The following LGALS8 variants were observed in gnomAD, a reference collection of about 807,000 sequenced individuals.
The protein encoded by LGALS8 is galectin 8, also known as galectin-8.
Under a neutral mutation model 35.9 loss-of-function variants are expected in LGALS8, and 30 were observed. The ratio of observed to expected loss-of-function variants is 0.83; its 90% CI spans 0.62 to 1.13. The LOEUF (loss-of-function observed/expected upper bound fraction) is 1.13. Among genes scored for constraint, LGALS8 ranks in the 50% most tolerant of loss-of-function variants. The pLI is 0.00. For synonymous variants in LGALS8, 138 were observed against 136.1 expected (o/e 1.01, Z -0.10); for missense variants, 366 against 388.7 (o/e 0.94, Z 0.49).
intron 2 of LGALS8, among the ~76,000 whole-genome samples, chr1:236,537,182 A>G (rs181602731): frequency 5.5e-4 from 84 of 151,584 alleles, no homozygotes; most frequent in Non-Finnish European, 9.4e-4. Context: ...ACACCCGGCT[A>G]ATTTTTGTAT....
chr1:236,533,770 A>C (rs1299162711), intron 2 of LGALS8, among the ~76,000 whole-genome samples: 1 of 152,134 alleles, frequency 6.6e-6, no homozygotes, highest in Non-Finnish European at 1.5e-5. Context: ...AGGATGAAGA[A>C]CCAGGCTTGG....
intron 2 of LGALS8, among the ~76,000 whole-genome samples, 186 bp from the exon 3 acceptor site, chr1:236,537,311 G>A (rs561756421): frequency 4.0e-4 from 61 of 152,220 alleles, no homozygotes; most frequent in Non-Finnish European, 6.5e-4. Context: ...CACCGCGCCC[G>A]GCCGCAGTTC....
intron 5 of LGALS8, 88 bp from the exon 6 acceptor site, chr1:236,541,566 T>C (rs1661993844): frequency 1.2e-5 from 8 of 660,718 alleles, no homozygotes; most frequent in South Asian, 4.1e-5. Flanking sequence ...TTTAGTACCA[T>C]TTATAATTTT....
At chr1:236,536,889 C>G (rs1558161018) in intron 2 of LGALS8, among the ~76,000 whole-genome samples, 1 of 151,496 alleles carries the variant, frequency 6.6e-6, no homozygotes, top group African/African-American at 2.4e-5. Context: ...TCATATTAAG[C>G]AGAAGTTTTG....
chr1:236,539,330 A>G, intron 4 of LGALS8: 1 of 495,750 alleles, frequency 2.0e-6, no homozygotes, highest in Non-Finnish European at 3.7e-6. Flanking sequence ...TCTTTTTATT[A>G]GATCCTATTT....
intron 4 of LGALS8, among the ~76,000 whole-genome samples, chr1:236,539,456 T>C (rs1178357984): frequency 1.3e-5 from 2 of 152,160 alleles, no homozygotes; most frequent in African/African-American, 4.8e-5. Flanking sequence ...AGCGAAGAAA[T>C]CAGAAGGGTT....
chr1:236,551,801 C>G lies in LGALS8; in HGVS notation c.*3640C>G, dbSNP rs1038683838. ...TCAAATGATCAGGAGGTGGTCACTT[C>G]GCAACTTGCTCCCTCCACCCAACTC... On this transcript the variant is annotated 3_prime_UTR_variant, in exon 10 of 10. Coordinates refer to ENST00000366584, the MANE Select transcript of LGALS8 (RefSeq NM_201544.4). 7.4e-6 allele frequency: 4 copies of G among 540,016 alleles called. No individual in the cohort carries two copies. The allele number at this position is 540,016 out of a possible 1,614,324, so 33.5% of individuals were successfully genotyped here.
In LGALS8 at chr1:236,552,135, A is replaced by G; in HGVS notation, c.*3974A>G. ...GAAAGGGATAAAAGAGCAAAGAAAT[A>G]AAAAGTAGTGTTACTGTATTTATTA... On this transcript the variant is annotated 3_prime_UTR_variant, in exon 10 of 10. Coordinates refer to ENST00000366584, the MANE Select transcript of LGALS8 (RefSeq NM_201544.4). The G allele has an allele frequency of 1.4e-6, 2 of 1,420,742 alleles. No homozygotes were observed. Among genetic ancestry groups the G allele is most frequent in the South Asian group, 1.2e-5 (1 of 86,470 alleles). The allele number at this position is 1,420,742 out of a possible 1,614,324, so 88.0% of individuals were successfully genotyped here.
Position 236,548,286 on chromosome 1 carries a change from G to A in LGALS8, c.*125G>A, listed in dbSNP as rs1160. ...TTAAAATGAGCTTGTGCACCATTAG[G>A]TCCTGCTGGGTGTTCTCAGTCCTTG... On this transcript the variant is annotated 3_prime_UTR_variant, in exon 10 of 10. Coordinates refer to ENST00000366584, the MANE Select transcript of LGALS8 (RefSeq NM_201544.4). 566,905 of 879,794 alleles carry A rather than the reference G, an allele frequency of 0.64. 185,987 individuals carry two copies. The highest frequency in any genetic ancestry group is 0.69 in the Non-Finnish European group (394,237 of 572,046). The allele number at this position is 879,794 out of a possible 1,614,324, so 54.5% of individuals were successfully genotyped here.
Position 236,523,984 on chromosome 1 carries a change from C to G in LGALS8, c.-181C>G, listed in dbSNP as rs1425651419. Reference sequence around the variant, plus strand: ...GCTTCCCGTAGCCGCCCACGGACGCCAGAGCCGGGAACCCTGACGGCACTT... The same window carrying G: ...GCTTCCCGTAGCCGCCCACGGACGCGAGAGCCGGGAACCCTGACGGCACTT... On this transcript the variant is annotated 5_prime_UTR_variant, in exon 1 of 10. Coordinates refer to ENST00000366584, the MANE Select transcript of LGALS8 (RefSeq NM_201544.4). The G allele has an allele frequency of 5.2e-6, 2 of 385,364 alleles. No homozygotes were observed. The highest frequency in any genetic ancestry group is 1.5e-4 in the East Asian group (2 of 13,770). The allele number at this position is 385,364 out of a possible 1,614,324, so 23.9% of individuals were successfully genotyped here. A position where few individuals can be genotyped will look rare whatever the true frequency, so the allele number is the denominator to read the frequency against.
rs1309129778 is a variant in LGALS8 at position 236,542,233 on chromosome 1, C to G, written c.522+523C>G. The stretch of plus-strand genomic sequence containing the variant: ...AAGGTGGTGGCTCAGGCCTGTAGTC[C>G]CAGCGCTTTGGCTGAGGTGGGGGGA... On this transcript the variant is annotated intron_variant, in intron 6 of 9. Transcript: ENST00000366584. 1.8e-5 allele frequency: 3 copies of G among 170,080 alleles called. No individual in the cohort carries two copies. The East Asian group carries it at 5.1e-4, about 29-fold the overall frequency. 10.5% of individuals were successfully genotyped at this position (170,080 alleles called of 1,614,324 possible). A position where few individuals can be genotyped will look rare whatever the true frequency, so the allele number is the denominator to read the frequency against.
Position 236,541,734 on chromosome 1 carries a change from G to C in LGALS8, c.522+24G>C, listed in dbSNP as rs747976245. On this transcript the variant is annotated intron_variant, in intron 6 of 9. Transcript: ENST00000366584. ...ATGTAAATATTAAATCTTTTAATGA[G>C]CCACTGGTTTAAAAATGTTGTTTTA... 3 of 1,269,258 alleles carry C rather than the reference G, an allele frequency of 2.4e-6. No homozygotes were observed. The South Asian group carries it at 4.3e-5, about 18-fold the overall frequency. The allele number at this position is 1,269,258 out of a possible 1,614,324, so 78.6% of individuals were successfully genotyped here.
Position 236,538,101 on chromosome 1 carries a change from A to AAAAAAAAAAAAAAAAAAAAAAAG in LGALS8, c.134+519_134+520insAAAAAAAAAAAAAAAAAAAGAAA, listed in dbSNP as rs371245157. On this transcript the variant is annotated intron_variant, in intron 3 of 9. Transcript: ENST00000366584. ...GCCTGGGTGACAAAAAAAAAAAAGA[A>AAAAAAAAAAAAAAAAAAAAAAAG]AAAGAAAAAGAATTAGGTATGTCAT... is the stretch of plus-strand genomic sequence containing the variant. Among the ~76,000 whole-genome samples the AAAAAAAAAAAAAAAAAAAAAAAG allele has an allele frequency of 8.3e-4, 80 of 96,070 alleles. 12 individuals are homozygous for AAAAAAAAAAAAAAAAAAAAAAAG. The highest frequency in any genetic ancestry group is 1.2e-3 in the Non-Finnish European group (51 of 43,932). The allele number at this position is 96,070 out of a possible 152,430, so 63.0% of individuals were successfully genotyped here.
chr1:236,544,721 G>GGTT lies in LGALS8; in HGVS notation c.639-28_639-26dup, dbSNP rs758394746. ...TACTCTGTCCTACTTGGTTAATTAA[G>GGTT]GTTTTTTTTTTTCTTTCTTTCTCAA... is the stretch of plus-strand genomic sequence containing the variant. On this transcript the variant is annotated intron_variant, in intron 8 of 9. Transcript: ENST00000366584. The GGTT allele has an allele frequency of 2.8e-5, 41 of 1,459,140 alleles. 1 individual carries two copies. The Admixed American group carries it at 9.7e-4, about 35-fold the overall frequency. 90.4% of individuals were successfully genotyped at this position (1,459,140 alleles called of 1,614,324 possible).
chr1:236,551,248 C>T lies in LGALS8; in HGVS notation c.*3087C>T, dbSNP rs1039298724. ...AAACTCAAACTTCCTAGGGATGCCA[C>T]CCCTTTAGTAGCTCACACCTCCCCC... On this transcript the variant is annotated 3_prime_UTR_variant, in exon 10 of 10. Coordinates refer to ENST00000366584, the MANE Select transcript of LGALS8 (RefSeq NM_201544.4). 24 of 461,676 alleles carry T rather than the reference C, an allele frequency of 5.2e-5. No homozygotes were observed. Among genetic ancestry groups the T allele is most frequent in the African/African-American group, 3.7e-4 (19 of 50,694 alleles). The allele number at this position is 461,676 out of a possible 1,614,324, so 28.6% of individuals were successfully genotyped here. A position where few individuals can be genotyped will look rare whatever the true frequency, so the allele number is the denominator to read the frequency against.
upstream of LGALS8, chr1:236,523,700 A>AT (rs1336945025): frequency 6.0e-6 from 1 of 167,328 alleles, no homozygotes; most frequent in African/African-American, 2.4e-5. Flanking sequence ...CCTTCCGGGC[A>AT]AAGGCAGCCA....
At chr1:236,518,869 T>C (rs1355412961), upstream of LGALS8, among the ~76,000 whole-genome samples, 1 of 152,142 alleles carries the variant, frequency 6.6e-6, no homozygotes, top group African/African-American at 2.4e-5. Context: ...ACAATCATGT[T>C]AACAAAAGTG....
intron 9 of LGALS8, among the ~76,000 whole-genome samples, chr1:236,545,819 G>C (rs1662328933): frequency 6.6e-6 from 1 of 152,182 alleles, no homozygotes; most frequent in Non-Finnish European, 1.5e-5. Context: ...TGGGAAGGAT[G>C]TGGAAGGCTG....
Position 236,540,548 on chromosome 1 carries a change from T to C in LGALS8, c.346-16T>C, listed in dbSNP as rs555088938. On this transcript the variant is annotated splice_polypyrimidine_tract_variant and intron_variant, in intron 4 of 9. Transcript: ENST00000366584. ...TTTTGGTGGCGGGGGGGGCTCTGTC[T>C]TCTGTATCTCTCTAGGTGGCTGTAA... The C allele has an allele frequency of 1.2e-3, 1,928 of 1,544,256 alleles. 33 individuals carry two copies. In the African/African-American group the frequency reaches 0.025, roughly 20 times the overall value.
Sources: allele counts gnomAD v4.1 joint callset (sites outside exome capture counted in the v4.1 genomes callset), GRCh38; gene constraint gnomAD v4.1.1; transcripts MANE v1.5; gene names NCBI Gene and HGNC (gene_info 2026-07-23, HGNC 2026-07-21).